DERA: variants seen among roughly 807,000 people sequenced by gnomAD.
DERA encodes the protein 2-deoxy-D-ribose 5-phosphate aldolase.
In DERA, 15 loss-of-function variants were observed where a neutral mutation model predicts 41.1. The observed-to-expected ratio is 0.37, with a 90% confidence interval of 0.24 to 0.56. The LOEUF is 0.56. Among genes scored for constraint, DERA ranks in the 20% least tolerant of loss-of-function variants. The probability of loss-of-function intolerance (pLI) is 0.81; values close to 1 mark genes in which losing one functional copy is unlikely to be tolerated. For missense variants in DERA, 396 were observed against 403.4 expected, an observed-to-expected ratio of 0.98 and a Z score of 0.16; for synonymous variants, 139 against 137.4, an observed-to-expected ratio of 1.01 and a Z score of -0.08.
chr12:15,960,850 G>T (rs367870195), intron 4 of DERA, among the ~76,000 whole-genome samples: 2 of 152,094 alleles, frequency 1.3e-5, no homozygotes, highest in South Asian at 4.1e-4. Context: ...GCACTAGCAC[G>T]TGTGAAGGCA....
At chr12:15,979,053 A>G (rs915541006) in intron 5 of DERA, among the ~76,000 whole-genome samples, 4 of 152,220 alleles carry the variant, frequency 2.6e-5, no homozygotes, top group South Asian at 4.1e-4. Flanking sequence ...GAATCCATAT[A>G]CTCAGGAGAA....
chr12:15,985,566 GT>G lies in DERA; in HGVS notation c.637+3139del, dbSNP rs969705572. Among the ~76,000 whole-genome samples the G allele has an allele frequency of 3.8e-4, 39 of 102,138 alleles. No individual in the cohort carries two copies. Among genetic ancestry groups the G allele is most frequent in the South Asian group, 2.3e-3 (6 of 2,558 alleles). 67.0% of individuals were successfully genotyped at this position (102,138 alleles called of 152,430 possible). On this transcript the variant is annotated intron_variant, in intron 6 of 8. Transcript: ENST00000428559. The surrounding 1 kb of genome is among the most constrained non-coding windows in gnomAD (Gnocchi z 4.2). ...CAGAGAGCCAAGTTTTTATTTTGTT[GT>G]TTTTTTTTCATTACTTTTCAGTGAA...
In DERA at chr12:16,013,326, C is replaced by T. The variant is rs111880897; in HGVS notation, c.638-19216C>T. Among the ~76,000 whole-genome samples the T allele has an allele frequency of 6.6e-6, 1 of 152,186 alleles. No homozygotes were observed. The highest frequency in any genetic ancestry group is 6.5e-5 in the Admixed American group (1 of 15,282). On this transcript the variant is annotated intron_variant, in intron 6 of 8. Transcript: ENST00000428559. The surrounding 1 kb of genome is among the most constrained non-coding windows in gnomAD (Gnocchi z 5.8). ...TGAATTGTAATCCCCATAATCCCCA[C>T]ATGTTAAAGGTGAGACCAGGTGGAG...
chr12:15,957,105 T>C lies in DERA; in HGVS notation c.129+72T>C, dbSNP rs552899576. 6 of 1,184,452 alleles carry C rather than the reference T, an allele frequency of 5.1e-6. No individual in the cohort carries two copies. The highest frequency in any genetic ancestry group is 1.3e-5 in the South Asian group (1 of 78,654). The allele number at this position is 1,184,452 out of a possible 1,614,324, so 73.4% of individuals were successfully genotyped here. ...GGTCTCTTCCCTCAAGGCCACAATATTGAATTTCACTCAAGATGCATCTAA... is the reference window on the plus strand; with the variant it reads ...GGTCTCTTCCCTCAAGGCCACAATACTGAATTTCACTCAAGATGCATCTAA... On this transcript the variant is annotated intron_variant, in intron 2 of 8. Transcript: ENST00000428559. The surrounding 1 kb of genome is among the most constrained non-coding windows in gnomAD (Gnocchi z 4.8).
rs1278156072 is a variant in DERA at position 15,941,364 on chromosome 12, C to G, written c.32-15572C>G. ...CCCAAGAGTAGAAGGACTTAGCCGTCTGTAGCCACAATTTTTTTTTTAATT... is the reference window on the plus strand; with the variant it reads ...CCCAAGAGTAGAAGGACTTAGCCGTGTGTAGCCACAATTTTTTTTTTAATT... On this transcript the variant is annotated intron_variant, in intron 1 of 8. Transcript: ENST00000428559. This position sits in a 1 kb window ranked among gnomAD's most constrained non-coding sequence, Gnocchi z 4.5. Among the ~76,000 whole-genome samples, 1 of 152,094 alleles carries G rather than the reference C, an allele frequency of 6.6e-6. No individual in the cohort carries two copies. The highest frequency in any genetic ancestry group is 2.4e-5 in the African/African-American group (1 of 41,410).
intron 1 of DERA, among the ~76,000 whole-genome samples, chr12:15,925,465 CA>C (rs1948275201): frequency 6.6e-6 from 1 of 151,982 alleles, no homozygotes; most frequent in Non-Finnish European, 1.5e-5. Flanking sequence ...ATCAATGTGG[CA>C]GCTTTACTCT....
intron 4 of DERA, among the ~76,000 whole-genome samples, chr12:15,960,184 A>T (rs1438473171): frequency 6.6e-6 from 1 of 151,108 alleles, no homozygotes; most frequent in Non-Finnish European, 1.5e-5. Context: ...GTCATAAGGC[A>T]TGACATATAG....
At chr12:15,969,934 A>G (rs1948648950) in intron 5 of DERA, among the ~76,000 whole-genome samples, 2 of 152,226 alleles carry the variant, frequency 1.3e-5, no homozygotes, top group South Asian at 4.1e-4. Flanking sequence ...AATTCTGGAA[A>G]TACGACAACT....
chr12:15,911,465 C>G lies in DERA; in HGVS notation c.31+51C>G. On this transcript the variant is annotated intron_variant, in intron 1 of 8. Coordinates refer to ENST00000428559, the MANE Select transcript of DERA (RefSeq NM_015954.4). This position sits in a 1 kb window ranked among gnomAD's most constrained non-coding sequence, Gnocchi z 4.5. ...CCCCTCTCCCTCGCGTTCAGCGCCG[C>G]CGGGACTAGCGCGGGGCCTGCTGCC... is the stretch of plus-strand genomic sequence containing the variant. 7.1e-7 allele frequency: 1 copy of G among 1,401,732 alleles called. No homozygotes were observed. The allele number at this position is 1,401,732 out of a possible 1,614,324, so 86.8% of individuals were successfully genotyped here.
intron 6 of DERA, among the ~76,000 whole-genome samples, chr12:16,023,065 G>T (rs1463324769): frequency 6.6e-6 from 1 of 152,138 alleles, no homozygotes; most frequent in African/African-American, 2.4e-5. Flanking sequence ...AATGGGCGGA[G>T]AAAAGCTAAG....
intron 1 of DERA, among the ~76,000 whole-genome samples, chr12:15,955,698 T>G (rs530470111): frequency 6.6e-6 from 1 of 152,330 alleles, no homozygotes; most frequent in East Asian, 1.9e-4. Flanking sequence ...TCTCTATACC[T>G]TTAATACTGA....
rs183388940 is a variant in DERA, at chr12:15,921,226, T to C, written c.31+9812T>C. The stretch of plus-strand genomic sequence containing the variant: ...GGTGACGTAGTGAAGTAAGTGCATA[T>C]ATCTGAAAAGTGCACTGTGTCTGAA... On this transcript the variant is annotated intron_variant, in intron 1 of 8. Transcript: ENST00000428559. This position sits in a 1 kb window ranked among gnomAD's most constrained non-coding sequence, Gnocchi z 5.3. Among the ~76,000 whole-genome samples, 97 of 152,284 alleles carry C rather than the reference T, an allele frequency of 6.4e-4. No homozygotes were observed. The highest frequency in any genetic ancestry group is 3.4e-3 in the Middle Eastern group (1 of 294).
chr12:15,991,532 T>G (rs1948801878), intron 6 of DERA, among the ~76,000 whole-genome samples: 2 of 152,188 alleles, frequency 1.3e-5, no homozygotes, highest in Non-Finnish European at 2.9e-5. Context: ...AAAAATCTTT[T>G]AACTGACAGT....
At chr12:16,005,780 T>C (rs1948906315) in intron 6 of DERA, among the ~76,000 whole-genome samples, 1 of 152,240 alleles carries the variant, frequency 6.6e-6, no homozygotes, top group East Asian at 1.9e-4. Flanking sequence ...ATTTTTAATA[T>C]TGAACCAAAG....
rs1948822573 is a variant in DERA at position 15,994,360 on chromosome 12, C to G, written c.637+11924C>G. ...AGAGGCTAGACCTGTGTTCATGTGT[C>G]TGAGATTCTGTTATTCCTTTATCTG... is the stretch of plus-strand genomic sequence containing the variant. On this transcript the variant is annotated intron_variant, in intron 6 of 8. Transcript: ENST00000428559. The surrounding 1 kb of genome is among the most constrained non-coding windows in gnomAD (Gnocchi z 4.8). 6.6e-6 allele frequency among the ~76,000 whole-genome samples: 1 copy of G among 152,216 alleles called. No homozygotes were observed. The highest frequency in any genetic ancestry group is 1.5e-5 in the Non-Finnish European group (1 of 68,034).
At chr12:16,005,301 C>T (rs1948901660) in intron 6 of DERA, among the ~76,000 whole-genome samples, 1 of 152,008 alleles carries the variant, frequency 6.6e-6, no homozygotes, top group South Asian at 2.1e-4. Context: ...TAAAAATTAG[C>T]AGGGCACGGT....
At chr12:15,932,041 C>G (rs1948331906) in intron 1 of DERA, among the ~76,000 whole-genome samples, 2 of 152,126 alleles carry the variant, frequency 1.3e-5, no homozygotes, top group African/African-American at 4.8e-5. Flanking sequence ...CAAATAAACC[C>G]CTTTTCTTTG....
Position 15,922,845 on chromosome 12 carries a change from C to T in DERA, c.31+11431C>T, listed in dbSNP as rs967265810. On this transcript the variant is annotated intron_variant, in intron 1 of 8. Coordinates refer to ENST00000428559, the MANE Select transcript of DERA (RefSeq NM_015954.4). This position sits in a 1 kb window ranked among gnomAD's most constrained non-coding sequence, Gnocchi z 4.9. ...TTTCCAAGTCTGTAAAACAGACACA[C>T]GAGAATGTAGGTTCATCAGTTGTAA... 1.3e-5 allele frequency among the ~76,000 whole-genome samples: 2 copies of T among 151,884 alleles called. No homozygotes were observed. The highest frequency in any genetic ancestry group is 4.8e-5 in the African/African-American group (2 of 41,296).
chr12:15,997,655 C>CTTCTT (rs1037801909), intron 6 of DERA, among the ~76,000 whole-genome samples: 9,917 of 152,118 alleles, frequency 0.065, 1,030 homozygotes, highest in African/African-American at 0.22. Flanking sequence ...ACTTTTTTCT[C>CTTCTT]TTTTTAAATT....
Sources: gnomAD v4.1 joint callset for allele counts (sites outside exome capture counted in the v4.1 genomes callset) on GRCh38, gnomAD v4.1.1 for gene constraint, Gnocchi (gnomAD v3.1) non-coding constraint, MANE v1.5 for transcripts, NCBI Gene and HGNC (gene_info 2026-07-23, HGNC 2026-07-21) for gene names.